The following ERC2 variants were observed in gnomAD, a reference collection of about 807,000 sequenced individuals.
The protein encoded by ERC2 is ELKS/RAB6-interacting/CAST family member 2, also known as ERC protein 2.
In ERC2, 42 loss-of-function variants were observed where a neutral mutation model predicts 114.8. That is an observed-to-expected ratio of 0.37 (90% CI 0.29 to 0.47). The LOEUF is 0.47. Ranked by LOEUF, ERC2 falls within the 20% of genes least tolerant of loss-of-function variation. The pLI is 0.99. For synonymous variants in ERC2, 454 were observed against 425.5 expected, an observed-to-expected ratio of 1.07 and a Z score of -0.82; for missense variants, 939 against 1,150.7, an observed-to-expected ratio of 0.82 and a Z score of 2.66.
At chr3:55,608,786 G>T (rs1272907541) in intron 17 of ERC2, among the ~76,000 whole-genome samples, 1 of 152,138 alleles carries the variant, frequency 6.6e-6, no homozygotes, top group Non-Finnish European at 1.5e-5. Context: ...TCAAGATACG[G>T]CAAGCCAATT....
intron 12 of ERC2, among the ~76,000 whole-genome samples, chr3:55,951,232 A>G (rs1325332611): frequency 2.0e-5 from 3 of 152,198 alleles, no homozygotes; most frequent in African/African-American, 7.2e-5. Context: ...TGTTCTAATT[A>G]TTATTATTAT....
intron 17 of ERC2, among the ~76,000 whole-genome samples, chr3:55,627,190 G>A (rs112312566): frequency 3.3e-5 from 5 of 152,304 alleles, no homozygotes; most frequent in East Asian, 1.9e-4. Context: ...TCTTTTGGCC[G>A]GGTGTGGTGG....
intron 2 of ERC2, among the ~76,000 whole-genome samples, chr3:56,401,504 G>A (rs755800000): frequency 6.6e-6 from 1 of 152,172 alleles, no homozygotes; most frequent in Non-Finnish European, 1.5e-5. Context: ...CATGCAGATA[G>A]CTGCAGAATA....
chr3:56,145,434 T>C (rs912339395), intron 5 of ERC2, among the ~76,000 whole-genome samples: 1 of 152,210 alleles, frequency 6.6e-6, no homozygotes, highest in African/African-American at 2.4e-5. Flanking sequence ...AATTATGTAT[T>C]TGGTATGTTC....
At chr3:56,047,292 T>C (rs898345132) in intron 7 of ERC2, among the ~76,000 whole-genome samples, 1 of 152,202 alleles carries the variant, frequency 6.6e-6, no homozygotes, top group Admixed American at 6.5e-5. Flanking sequence ...ATTCCTCTGG[T>C]CCTTTAATAC....
intron 14 of ERC2, among the ~76,000 whole-genome samples, chr3:55,851,458 C>T (rs2061569043): frequency 6.6e-6 from 1 of 152,168 alleles, no homozygotes; most frequent in South Asian, 2.1e-4. Flanking sequence ...GAATGACACA[C>T]AACGCATTCC....
intron 17 of ERC2, among the ~76,000 whole-genome samples, chr3:55,601,778 G>A (rs28671149): frequency 5.3e-5 from 8 of 152,206 alleles, no homozygotes; most frequent in African/African-American, 1.9e-4. Flanking sequence ...AGTGAGCCAT[G>A]TTCACACCAC....
Position 56,133,303 on chromosome 3 carries a change from G to A in ERC2, c.1473+6206C>T, listed in dbSNP as rs577184754. ...AATACAAAAATTAGCTGGGTATGGTGTTGCATGCCTATAATCCCAGTTAGT... is the reference window on the plus strand; with the variant it reads ...AATACAAAAATTAGCTGGGTATGGTATTGCATGCCTATAATCCCAGTTAGT... On this transcript the variant is annotated intron_variant, in intron 6 of 17. Transcript: ENST00000288221. Among the ~76,000 whole-genome samples the A allele has an allele frequency of 3.3e-5, 5 of 152,234 alleles. No individual in the cohort carries two copies. The South Asian group carries it at 1.0e-3, about 32-fold the overall frequency.
At chr3:55,705,497 C>T (rs1559525334) in intron 15 of ERC2, among the ~76,000 whole-genome samples, 1 of 152,130 alleles carries the variant, frequency 6.6e-6, no homozygotes, top group Non-Finnish European at 1.5e-5. Flanking sequence ...TTCAAAATAA[C>T]ATCAACCTGT....
chr3:55,522,826 C>G (rs2053052536), intron 17 of ERC2, among the ~76,000 whole-genome samples: 1 of 152,236 alleles, frequency 6.6e-6, no homozygotes, highest in South Asian at 2.1e-4. Context: ...AAGATGGGCC[C>G]ATTCTCCCAT....
intron 3 of ERC2, among the ~76,000 whole-genome samples, chr3:56,290,802 A>G: frequency 6.6e-6 from 1 of 152,136 alleles, no homozygotes; most frequent in Non-Finnish European, 1.5e-5. Context: ...AGACCAGGAG[A>G]CCAATAATTC....
intron 2 of ERC2, among the ~76,000 whole-genome samples, chr3:56,386,653 C>A (rs1025164390): frequency 4.6e-5 from 7 of 152,100 alleles, no homozygotes; most frequent in African/African-American, 1.7e-4. Context: ...CTGGTCCAGA[C>A]CCCATACCTC....
At chr3:56,365,679 A>C (rs984563796) in intron 2 of ERC2, among the ~76,000 whole-genome samples, 1 of 152,270 alleles carries the variant, frequency 6.6e-6, no homozygotes, top group Non-Finnish European at 1.5e-5. Context: ...TGACACACAG[A>C]AATTATATAA....
chr3:55,946,128 G>A (rs930321945), intron 13 of ERC2, among the ~76,000 whole-genome samples: 1 of 151,732 alleles, frequency 6.6e-6, no homozygotes, highest in Non-Finnish European at 1.5e-5. Flanking sequence ...TGGAAATGAC[G>A]ATTTAGTGTG....
At chr3:56,464,537 G>C (rs1389080069) in intron 1 of ERC2, among the ~76,000 whole-genome samples, 1 of 152,182 alleles carries the variant, frequency 6.6e-6, no homozygotes, top group Non-Finnish European at 1.5e-5. Flanking sequence ...TGCCAAAGCT[G>C]ACTAATATAT....
At position 55,683,758 on chromosome 3, in the gene ERC2, T is replaced by G. The variant is rs188556038; in HGVS notation, c.*39+36A>C. 12 of 1,564,188 alleles carry G rather than the reference T, an allele frequency of 7.7e-6. No individual in the cohort carries two copies. The East Asian group carries it at 2.3e-4, about 29-fold the overall frequency. ...ACACAATACAACACTAGAATGCAATTTTTTAATAAAAATGATATAAAAGAT... is the reference window on the plus strand; with the variant it reads ...ACACAATACAACACTAGAATGCAATGTTTTAATAAAAATGATATAAAAGAT... On this transcript the variant is annotated intron_variant, in intron 17 of 17. Coordinates refer to ENST00000288221, the MANE Select transcript of ERC2 (RefSeq NM_015576.3).
chr3:56,385,001 A>G (rs6770977), intron 2 of ERC2, among the ~76,000 whole-genome samples: 51,299 of 151,890 alleles, frequency 0.34, 8,871 homozygotes, highest in African/African-American at 0.38. Context: ...TATATGTGAC[A>G]GTTTATTTCT....
At chr3:55,547,937 C>T (rs2054873179) in intron 17 of ERC2, among the ~76,000 whole-genome samples, 1 of 152,218 alleles carries the variant, frequency 6.6e-6, no homozygotes, top group Non-Finnish European at 1.5e-5. Flanking sequence ...CCCATCCAGA[C>T]CTCCTTCTGC....
chr3:55,704,049 GA>G (rs969624154), intron 15 of ERC2, among the ~76,000 whole-genome samples: 17 of 152,176 alleles, frequency 1.1e-4, no homozygotes, highest in African/African-American at 4.1e-4. Context: ...GGAGCCTTTA[GA>G]AAACCTCTGT....
Sources: gnomAD v4.1 joint callset for allele counts (sites outside exome capture counted in the v4.1 genomes callset) on GRCh38, gnomAD v4.1.1 for gene constraint, MANE v1.5 for transcripts, NCBI Gene and HGNC (gene_info 2026-07-23, HGNC 2026-07-21) for gene names.